The following VPS26B variants were observed in gnomAD, a reference collection of about 807,000 sequenced individuals.
The protein encoded by VPS26B is VPS26 retromer complex component B, also known as vacuolar protein sorting-associated protein 26B.
A neutral mutation model predicts 33.3 loss-of-function variants in VPS26B; 10 were observed. The ratio of observed to expected loss-of-function variants is 0.30; its 90% CI spans 0.19 to 0.51. The LOEUF is 0.51. VPS26B is among the 20% of genes least tolerant of loss of function. The probability of loss-of-function intolerance (pLI) is 0.98; values close to 1 mark genes in which losing one functional copy is unlikely to be tolerated. For missense variants in VPS26B, 317 were observed against 452.7 expected (o/e 0.70, Z 2.72); for synonymous variants, 190 against 176.9 (o/e 1.07, Z -0.59).
At chr11:134,243,854 CTG>C (rs1938768347) in intron 4 of VPS26B, 1 of 152,378 alleles carries the variant, frequency 6.6e-6, no homozygotes, top group Admixed American at 6.5e-5. Flanking sequence ...GTTAGTAGAG[CTG>C]GAAGCCCTTT....
At chr11:134,242,269 G>T (rs1477177579) in intron 3 of VPS26B, among the ~76,000 whole-genome samples, 1 of 152,144 alleles carries the variant, frequency 6.6e-6, no homozygotes. Flanking sequence ...GAAACAGTGG[G>T]GAACACTCCA....
chr11:134,227,788 C>G (rs1938500700), intron 1 of VPS26B, among the ~76,000 whole-genome samples: 1 of 152,120 alleles, frequency 6.6e-6, no homozygotes, highest in African/African-American at 2.4e-5. Flanking sequence ...CATGCATGAC[C>G]CTTATAGAGG....
At position 134,247,054 on chromosome 11, in the gene VPS26B, A is replaced by G. The variant is rs1242618187; in HGVS notation, c.*1464A>G. The G allele has an allele frequency of 6.6e-6, 1 of 152,128 alleles. No homozygotes were observed. The highest frequency in any genetic ancestry group is 1.5e-5 in the Non-Finnish European group (1 of 68,044). The allele number at this position is 152,128 out of a possible 1,614,324, so 9.4% of individuals were successfully genotyped here. On this transcript the variant is annotated 3_prime_UTR_variant, in exon 6 of 6. Transcript: ENST00000281187. Reference sequence around the variant, plus strand: ...AAAGGAAGACTTCTGTTTTCCTGAGATCAGTGCAGTCTCAGGCCTTTGGCA... The same window carrying G: ...AAAGGAAGACTTCTGTTTTCCTGAGGTCAGTGCAGTCTCAGGCCTTTGGCA...
intron 1 of VPS26B, among the ~76,000 whole-genome samples, chr11:134,229,934 G>A (rs1278946254): frequency 6.6e-6 from 1 of 152,122 alleles, no homozygotes; most frequent in African/African-American, 2.4e-5. Context: ...CACCGCTTGT[G>A]GGTTCCACAA....
chr11:134,234,506 G>T (rs1014071724), intron 1 of VPS26B, among the ~76,000 whole-genome samples: 1 of 152,232 alleles, frequency 6.6e-6, no homozygotes, highest in African/African-American at 2.4e-5. Flanking sequence ...AGCTGTGTCA[G>T]AAGATTATTA....
chr11:134,225,087 C>T lies in VPS26B; in HGVS notation c.-36C>T, dbSNP rs1290002026. On this transcript the variant is annotated 5_prime_UTR_variant, in exon 1 of 6. Transcript: ENST00000281187. ...CAGCCCGCGCCCCGGTGCGAGGGAG[C>T]GGTCCTTACCGAGACCCGCCCGGCC... 2 of 1,555,492 alleles carry T rather than the reference C, an allele frequency of 1.3e-6. No individual in the cohort carries two copies. The highest frequency in any genetic ancestry group is 1.7e-6 in the Non-Finnish European group (2 of 1,146,306).
At chr11:134,237,022 T>C (rs1265193257) in intron 2 of VPS26B, among the ~76,000 whole-genome samples, 1 of 152,218 alleles carries the variant, frequency 6.6e-6, no homozygotes, top group Non-Finnish European at 1.5e-5. Flanking sequence ...ATGAAGACTT[T>C]AGGATTCATG....
chr11:134,234,908 G>A lies in VPS26B; in HGVS notation c.235G>A (p.Asp79Asn), dbSNP rs981973943. 1.5e-5 allele frequency: 24 copies of A among 1,613,922 alleles called. No individual in the cohort carries two copies. Among genetic ancestry groups the A allele is most frequent in the South Asian group, 4.4e-5 (4 of 91,072 alleles). Residue 79 changes from aspartate to asparagine, a missense_variant, in exon 2 of 6, where the codon GAT becomes AAT. Asp to Asn is a conservative substitution (Grantham distance 23, BLOSUM62 1). Coordinates refer to ENST00000281187, the MANE Select transcript of VPS26B (RefSeq NM_052875.5). ...CTGTCTCTCACCAGAACTCTACTAC[G>A]ATCGCGGGAACCACCATGAGTTTGT... Reference protein sequence around the residue: ...EFIGQIELYYDRGNHHEFVSL... With the variant: ...EFIGQIELYYNRGNHHEFVSL...
chr11:134,233,877 A>G (rs1041041330), intron 1 of VPS26B, among the ~76,000 whole-genome samples: 1 of 152,256 alleles, frequency 6.6e-6, no homozygotes, highest in Non-Finnish European at 1.5e-5. Flanking sequence ...TAAATAGAAT[A>G]TAAGCAAACA....
rs1185514291 is a variant in VPS26B at position 134,246,953 on chromosome 11, T to G, written c.*1363T>G. The G allele has an allele frequency of 6.6e-6, 1 of 151,896 alleles. No individual in the cohort carries two copies. Among genetic ancestry groups the G allele is most frequent in the Non-Finnish European group, 1.5e-5 (1 of 67,988 alleles). The allele number at this position is 151,896 out of a possible 1,614,324, so 9.4% of individuals were successfully genotyped here. A position where few individuals can be genotyped will look rare whatever the true frequency, so the allele number is the denominator to read the frequency against. ...AGGCCCCACTGGCCAAGAGGTACGG[T>G]ATTTGGCAGTCTGAGTTCTCAGTAA... On this transcript the variant is annotated 3_prime_UTR_variant, in exon 6 of 6. Coordinates refer to ENST00000281187, the MANE Select transcript of VPS26B (RefSeq NM_052875.5).
intron 1 of VPS26B, among the ~76,000 whole-genome samples, chr11:134,232,729 G>T (rs1938574091): frequency 6.6e-6 from 1 of 152,054 alleles, no homozygotes; most frequent in Non-Finnish European, 1.5e-5. Context: ...TCTTCCTCTT[G>T]ACTCTGGACC....
intron 3 of VPS26B, among the ~76,000 whole-genome samples, chr11:134,242,028 T>A (rs1938734223): frequency 6.6e-6 from 1 of 152,260 alleles, no homozygotes; most frequent in Admixed American, 6.5e-5. Flanking sequence ...GTTTTTGTTT[T>A]TTGTTTTTTA....
Position 134,244,481 on chromosome 11 carries a change from C to G in VPS26B, c.722-457C>G, listed in dbSNP as rs1414103946. 1 of 153,688 alleles carries G rather than the reference C, an allele frequency of 6.5e-6. No individual in the cohort carries two copies. Among genetic ancestry groups the G allele is most frequent in the Non-Finnish European group, 1.4e-5 (1 of 69,160 alleles). 9.5% of individuals were successfully genotyped at this position (153,688 alleles called of 1,614,324 possible). On this transcript the variant is annotated intron_variant, in intron 4 of 5. Transcript: ENST00000281187. This position sits in a 1 kb window ranked among gnomAD's most constrained non-coding sequence, Gnocchi z 4.0. ...TGCAGAACTGAGGCCATAGTGAGGA[C>G]TTTCTGCTTTCCACCATACCACCTT... is the stretch of plus-strand genomic sequence containing the variant.
chr11:134,230,042 C>A (rs1420826784), intron 1 of VPS26B, among the ~76,000 whole-genome samples: 1 of 152,222 alleles, frequency 6.6e-6, no homozygotes, highest in Non-Finnish European at 1.5e-5. Flanking sequence ...TCCTTCAAAG[C>A]CTAGCTAACA....
Position 134,225,056 on chromosome 11 carries a change from C to A in VPS26B, c.-67C>A. The A allele has an allele frequency of 6.7e-7, 1 of 1,484,526 alleles. No homozygotes were observed. 92.0% of individuals were successfully genotyped at this position (1,484,526 alleles called of 1,614,324 possible). On this transcript the variant is annotated 5_prime_UTR_variant, in exon 1 of 6. Transcript: ENST00000281187. ...CATCGGGCCCTCTGGCCTTCTTTAC[C>A]TAGGGCAGCCCGCGCCCCGGTGCGA...
At chr11:134,238,756 C>T (rs893880040) in intron 2 of VPS26B, among the ~76,000 whole-genome samples, 25 of 151,840 alleles carry the variant, frequency 1.6e-4, no homozygotes, top group South Asian at 8.4e-4. Flanking sequence ...CCACCACGCC[C>T]GGCTAATTTT....
intron 1 of VPS26B, among the ~76,000 whole-genome samples, chr11:134,233,290 G>A (rs1227211211): frequency 1.3e-5 from 2 of 152,198 alleles, no homozygotes; most frequent in Non-Finnish European, 2.9e-5. Context: ...CAGAGGCAAT[G>A]AGTGTGCTCC....
intron 1 of VPS26B, among the ~76,000 whole-genome samples, chr11:134,228,702 T>TTGTGAA (rs1358693431): frequency 6.6e-6 from 1 of 152,252 alleles, no homozygotes; most frequent in African/African-American, 2.4e-5. Context: ...AAGAAGCATG[T>TTGTGAA]TGTGAAGTAT....
chr11:134,246,578 C>T lies in VPS26B; in HGVS notation c.*988C>T, dbSNP rs758986393. On this transcript the variant is annotated 3_prime_UTR_variant, in exon 6 of 6. Transcript: ENST00000281187. ...CGAACCTTTGGCAAGGCTGTTCTTACTAATGCCCAAGCCCCTTTACCCCTC... is the reference window on the plus strand; with the variant it reads ...CGAACCTTTGGCAAGGCTGTTCTTATTAATGCCCAAGCCCCTTTACCCCTC... 1 of 152,392 alleles carries T rather than the reference C, an allele frequency of 6.6e-6. No homozygotes were observed. Among genetic ancestry groups the T allele is most frequent in the Non-Finnish European group, 1.5e-5 (1 of 68,034 alleles). 9.4% of individuals were successfully genotyped at this position (152,392 alleles called of 1,614,324 possible).
Sources: gnomAD v4.1 joint callset for allele counts (sites outside exome capture counted in the v4.1 genomes callset) on GRCh38, gnomAD v4.1.1 for gene constraint, Gnocchi (gnomAD v3.1) non-coding constraint, MANE v1.5 for transcripts, NCBI Gene and HGNC (gene_info 2026-07-23, HGNC 2026-07-21) for gene names.